The following XRCC4 variants were observed in gnomAD, a reference collection of about 807,000 sequenced individuals.
XRCC4 encodes the protein DNA repair protein XRCC4.
XRCC4 carries 28 observed loss-of-function variants against 39.1 expected under a neutral mutation model. The observed-to-expected ratio is 0.72, with a 90% CI of 0.53 to 0.98. The LOEUF (loss-of-function observed/expected upper bound fraction) is 0.98, where lower values mean the gene tolerates loss of function less well. XRCC4 is among the 50% of genes least tolerant of loss of function. The pLI is 0.00. For synonymous variants in XRCC4, 123 were observed against 126.4 expected, an observed-to-expected ratio of 0.97 and a Z score of 0.18; for missense variants, 350 against 376.4, an observed-to-expected ratio of 0.93 and a Z score of 0.58.
At chr5:83,348,312 C>G (rs1324733365) in intron 7 of XRCC4, among the ~76,000 whole-genome samples, 3 of 152,228 alleles carry the variant, frequency 2.0e-5, no homozygotes, top group Non-Finnish European at 2.9e-5. Flanking sequence ...GACTCTACCC[C>G]TGCAGCAGAC....
At chr5:83,283,511 A>G (rs1419375962) in intron 7 of XRCC4, among the ~76,000 whole-genome samples, 3 of 152,234 alleles carry the variant, frequency 2.0e-5, no homozygotes, top group African/African-American at 7.2e-5. Flanking sequence ...ACAAACCTAG[A>G]ACATTAAAAC....
intron 7 of XRCC4, among the ~76,000 whole-genome samples, chr5:83,344,025 G>A (rs1355459792): frequency 6.6e-6 from 1 of 151,890 alleles, no homozygotes; most frequent in African/African-American, 2.4e-5. Context: ...TGAGAATATT[G>A]TCATGGAAGA....
At chr5:83,138,396 A>T (rs1020884048) in intron 3 of XRCC4, among the ~76,000 whole-genome samples, 1 of 152,076 alleles carries the variant, frequency 6.6e-6, no homozygotes, top group African/African-American at 2.4e-5. Context: ...TGACCTTATG[A>T]GAGGCCTTGT....
intron 6 of XRCC4, among the ~76,000 whole-genome samples, chr5:83,252,962 A>G (rs1268607212): frequency 3.9e-5 from 6 of 152,212 alleles, no homozygotes; most frequent in Non-Finnish European, 8.8e-5. Flanking sequence ...GAAACAAGAG[A>G]TAAACATAAA....
chr5:83,177,588 C>T (rs1027785083), intron 3 of XRCC4, among the ~76,000 whole-genome samples: 1 of 152,020 alleles, frequency 6.6e-6, no homozygotes, highest in Admixed American at 6.6e-5. Flanking sequence ...TATTGAGACT[C>T]AATTCATTGA....
chr5:83,356,724 T>C (rs1462833500), downstream of XRCC4: 1 of 454,738 alleles, frequency 2.2e-6, no homozygotes, highest in East Asian at 7.0e-5. Context: ...TTTTTAATTG[T>C]CTATACTCTA....
At chr5:83,281,711 C>T (rs1754546383) in intron 7 of XRCC4, among the ~76,000 whole-genome samples, 1 of 152,170 alleles carries the variant, frequency 6.6e-6, no homozygotes, top group African/African-American at 2.4e-5. Context: ...GCATTCACCT[C>T]TGGCCTCATC....
At chr5:83,339,402 C>T (rs1189366988) in intron 7 of XRCC4, among the ~76,000 whole-genome samples, 1 of 151,836 alleles carries the variant, frequency 6.6e-6, no homozygotes, top group African/African-American at 2.4e-5. Context: ...CATGTTGTCA[C>T]TCATAAGTGG....
intron 3 of XRCC4, among the ~76,000 whole-genome samples, chr5:83,152,228 T>C (rs1486378373): frequency 3.3e-5 from 5 of 152,248 alleles, no homozygotes; most frequent in Admixed American, 2.0e-4. Context: ...TAAAAAGATA[T>C]AGCCAAACTT....
intron 1 of XRCC4, among the ~76,000 whole-genome samples, chr5:83,081,055 A>G (rs1419685584): frequency 2.6e-5 from 4 of 152,220 alleles, no homozygotes; most frequent in Non-Finnish European, 4.4e-5. Flanking sequence ...GTGGTTAGAA[A>G]ATGTGAACAG....
At chr5:83,320,335 T>C (rs1354143623) in intron 7 of XRCC4, among the ~76,000 whole-genome samples, 2 of 145,406 alleles carry the variant, frequency 1.4e-5, no homozygotes, top group African/African-American at 5.1e-5. Context: ...TGTGCACATG[T>C]ACCCTAAAAC....
chr5:83,366,445 T>C, the XRCC4 span, among the ~76,000 whole-genome samples: 5 of 152,356 alleles, frequency 3.3e-5, no homozygotes, highest in South Asian at 4.1e-4. Flanking sequence ...TAAAACAAGT[T>C]AGTATCCTAT....
chr5:83,266,621 A>G (rs971218907), intron 7 of XRCC4, among the ~76,000 whole-genome samples: 3 of 152,050 alleles, frequency 2.0e-5, no homozygotes, highest in Non-Finnish European at 4.4e-5. Flanking sequence ...AAGCACAAAC[A>G]TGCTTTATTT....
At chr5:83,343,209 G>A (rs552397496) in intron 7 of XRCC4, among the ~76,000 whole-genome samples, 2 of 152,106 alleles carry the variant, frequency 1.3e-5, no homozygotes, top group South Asian at 4.1e-4. Flanking sequence ...CATCGGTGAT[G>A]AGGAGGATGA....
intron 7 of XRCC4, among the ~76,000 whole-genome samples, chr5:83,267,876 C>T (rs1754012794): frequency 6.6e-6 from 1 of 152,078 alleles, no homozygotes; most frequent in Non-Finnish European, 1.5e-5. Context: ...AGGACAAATG[C>T]CTGTATCATT....
intron 3 of XRCC4, among the ~76,000 whole-genome samples, chr5:83,119,017 A>G (rs1746872427): frequency 6.6e-6 from 1 of 152,186 alleles, no homozygotes. Context: ...AATCCATTCT[A>G]AGTTTCAGAC....
intron 7 of XRCC4, among the ~76,000 whole-genome samples, chr5:83,282,472 T>C (rs1002043742): frequency 7.9e-5 from 12 of 151,636 alleles, no homozygotes; most frequent in Admixed American, 7.2e-4. Context: ...TCAATCAGAG[T>C]AGTTTCAGTT....
At chr5:83,304,486 A>T (rs1755409051) in intron 7 of XRCC4, among the ~76,000 whole-genome samples, 1 of 152,206 alleles carries the variant, frequency 6.6e-6, no homozygotes, top group Non-Finnish European at 1.5e-5. Flanking sequence ...AGGCTGTATT[A>T]GGCACCTCTG....
At chr5:83,341,355 T>C (rs778023680) in intron 7 of XRCC4, among the ~76,000 whole-genome samples, 3 of 152,086 alleles carry the variant, frequency 2.0e-5, no homozygotes, top group Non-Finnish European at 4.4e-5. Flanking sequence ...TACATGCACA[T>C]ATGGTATAAT....
Sources: gnomAD v4.1 joint callset for allele counts (sites outside exome capture counted in the v4.1 genomes callset) on GRCh38, gnomAD v4.1.1 for gene constraint, MANE v1.5 for transcripts, NCBI Gene and HGNC (gene_info 2026-07-23, HGNC 2026-07-21) for gene names.